The following CPNE7 variants were observed in gnomAD, a reference collection of about 807,000 sequenced individuals.
CPNE7 encodes copine 7.
A neutral mutation model predicts 66.5 loss-of-function variants in CPNE7; 78 were observed. That is an observed-to-expected ratio of 1.17 (90% CI 0.98 to 1.42). The LOEUF (loss-of-function observed/expected upper bound fraction) is 1.42, where lower values mean the gene tolerates loss of function less well. CPNE7 is among the 40% of genes most tolerant of loss of function. The probability of loss-of-function intolerance (pLI) is 0.00; values close to 1 mark genes in which losing one functional copy is unlikely to be tolerated. For synonymous variants in CPNE7, 468 were observed against 336.7 expected, an observed-to-expected ratio of 1.39 and a Z score of -4.27; for missense variants, 1,012 against 776.6, an observed-to-expected ratio of 1.30 and a Z score of -3.60.
At chr16:89,580,913 C>CACACGGA (rs2058945929) in intron 2 of CPNE7, among the ~76,000 whole-genome samples, 1 of 144,098 alleles carries the variant, frequency 6.9e-6, no homozygotes, top group South Asian at 2.3e-4. Context: ...CATCACCCGT[C>CACACGGA]ACATGGAACA....
chr16:89,593,329 G>A (rs1281518356), intron 13 of CPNE7, among the ~76,000 whole-genome samples: 2 of 151,658 alleles, frequency 1.3e-5, no homozygotes, highest in African/African-American at 2.4e-5. Flanking sequence ...CCGAGAGCAC[G>A]TTGCAACATC....
intron 5 of CPNE7, 21 bp from the exon 6 acceptor site, chr16:89,585,443 C>T (rs202142823): frequency 1.9e-6 from 3 of 1,589,678 alleles, no homozygotes; most frequent in Non-Finnish European, 2.6e-6. Context: ...CTCCCCTGAG[C>T]CAGCCCCTCC....
At chr16:89,591,548 C>G (rs1008286600) in intron 13 of CPNE7, among the ~76,000 whole-genome samples, 3 of 152,238 alleles carry the variant, frequency 2.0e-5, no homozygotes, top group African/African-American at 7.2e-5. Context: ...CACATGTCTA[C>G]TGTTTGGCTG....
At position 89,584,542 on chromosome 16, in the gene CPNE7, CGCAGGGTGT is replaced by C. The variant is rs2059005846; in HGVS notation, c.508-223_508-215del. 6.7e-6 allele frequency among the ~76,000 whole-genome samples: 1 copy of C among 148,772 alleles called. No individual in the cohort carries two copies. Among genetic ancestry groups the C allele is most frequent in the Non-Finnish European group, 1.5e-5 (1 of 67,026 alleles). On this transcript the variant is annotated intron_variant, in intron 4 of 14. Transcript: ENST00000319518. The surrounding 1 kb of genome is among the most constrained non-coding windows in gnomAD (Gnocchi z 6.0). ...AGGGCAAGTCCGTGGAGGGCTGAGT[CGCAGGGTGT>C]GCAGGGTGACTCCATGGAGGGCTGA...
At chr16:89,594,871 C>A (rs921500983) in intron 13 of CPNE7, among the ~76,000 whole-genome samples, 1 of 151,834 alleles carries the variant, frequency 6.6e-6, no homozygotes, top group Non-Finnish European at 1.5e-5. Context: ...AGGCTGGTCT[C>A]GAACTCCTGA....
intron 1 of CPNE7, 70 bp downstream of exon 1, chr16:89,576,141 C>T: frequency 8.3e-7 from 1 of 1,204,796 alleles, no homozygotes; most frequent in Non-Finnish European, 1.0e-6. Flanking sequence ...GATGCGGAGA[C>T]CAGAGCGGGC....
chr16:89,584,644 T>A lies in CPNE7; in HGVS notation c.508-130T>A. The A allele has an allele frequency of 1.4e-6, 1 of 696,626 alleles. No homozygotes were observed. The highest frequency in any genetic ancestry group is 2.5e-6 in the Non-Finnish European group (1 of 397,380). The allele number at this position is 696,626 out of a possible 1,614,324, so 43.2% of individuals were successfully genotyped here. A position where few individuals can be genotyped will look rare whatever the true frequency, so the allele number is the denominator to read the frequency against. On this transcript the variant is annotated intron_variant, in intron 4 of 14. Transcript: ENST00000319518. The surrounding 1 kb of genome is among the most constrained non-coding windows in gnomAD (Gnocchi z 6.0). Reference sequence around the variant, plus strand: ...CGAGATGCTGTCGGCGGGGACTGGCTGCCTCGTTTTGTGCCTGAGGAATTA... The same window carrying A: ...CGAGATGCTGTCGGCGGGGACTGGCAGCCTCGTTTTGTGCCTGAGGAATTA...
At position 89,580,416 on chromosome 16, in the gene CPNE7, TCCCATCA is replaced by T. The variant is rs1214691033; in HGVS notation, c.357+2704_357+2710del. Among the ~76,000 whole-genome samples, 6 of 108,786 alleles carry T rather than the reference TCCCATCA, an allele frequency of 5.5e-5. 1 individual carries two copies. The highest frequency in any genetic ancestry group is 2.1e-4 in the Admixed American group (2 of 9,360). The allele number at this position is 108,786 out of a possible 152,430, so 71.4% of individuals were successfully genotyped here. On this transcript the variant is annotated intron_variant, in intron 2 of 14. Coordinates refer to ENST00000319518, the MANE Select transcript of CPNE7 (RefSeq NM_153636.3). ...ATCCCATCACCCGTCACACGGAACA[TCCCATCA>T]CCCATCACACAGAACATCTCACCCA...
At chr16:89,587,399 C>T (rs1162377261) in intron 9 of CPNE7, among the ~76,000 whole-genome samples, 3 of 121,770 alleles carry the variant, frequency 2.5e-5, no homozygotes, top group Non-Finnish European at 3.5e-5. Context: ...AGGGCACTGG[C>T]GGTTCCCCGT....
rs1597713072 is a variant in CPNE7 at position 89,588,730 on chromosome 16, A to C, written c.983A>C (p.His328Pro). The stretch of plus-strand genomic sequence containing the variant: ...GACCCGCGGAACAGCTGCTCCCTGC[A>C]CTACATCAACCCCTACCAGCCGAAC... ...NGDPRNSCSL[H>P]YINPYQPNEY... Residue 328 changes from histidine (H) to proline (P), a missense_variant, in exon 10 of 15, where the codon CAC (histidine) becomes CCC (proline). His to Pro is a moderately conservative substitution (Grantham distance 77). Transcript: ENST00000319518. 1 of 1,613,608 alleles carries C rather than the reference A, an allele frequency of 6.2e-7. No individual in the cohort carries two copies. Among genetic ancestry groups the C allele is most frequent in the Middle Eastern group, 1.6e-4 (1 of 6,062 alleles).
chr16:89,583,374 G>T, intron 2 of CPNE7: 2 of 1,444,782 alleles, frequency 1.4e-6, no homozygotes, highest in Non-Finnish European at 9.5e-7. Flanking sequence ...ACCTGTGCAG[G>T]TGCAGGCCAG....
chr16:89,589,758 T>G (rs998766664), intron 10 of CPNE7, 139 bp from the exon 11 acceptor site: 8 of 854,120 alleles, frequency 9.4e-6, no homozygotes, highest in African/African-American at 5.1e-5. Context: ...GTTCCCCACC[T>G]CTGGCAGGTG....
chr16:89,584,914 G>T lies in CPNE7; in HGVS notation c.591+57G>T. ...GGAAGGGGCTGTCCCCAGCCCTCAC[G>T]CATCTCTGGCCACATGGGAGGAGCT... On this transcript the variant is annotated intron_variant, in intron 5 of 14. Coordinates refer to ENST00000319518, the MANE Select transcript of CPNE7 (RefSeq NM_153636.3). The surrounding 1 kb of genome is among the most constrained non-coding windows in gnomAD (Gnocchi z 6.0). The T allele has an allele frequency of 1.4e-6, 2 of 1,461,284 alleles. No individual in the cohort carries two copies. The highest frequency in any genetic ancestry group is 1.2e-5 in the South Asian group (1 of 86,920). 90.5% of individuals were successfully genotyped at this position (1,461,284 alleles called of 1,614,324 possible).
At chr16:89,577,267 C>A (rs549154639) in intron 1 of CPNE7, among the ~76,000 whole-genome samples, 1 of 152,142 alleles carries the variant, frequency 6.6e-6, no homozygotes, top group Non-Finnish European at 1.5e-5. Context: ...AATCTGATCT[C>A]GCCCCCGACT....
At position 89,576,029 on chromosome 16, in the gene CPNE7, C is replaced by G; in HGVS notation, c.132C>G (p.Pro44=). 6.0e-6 allele frequency: 8 copies of G among 1,341,414 alleles called. No homozygotes were observed. Among genetic ancestry groups the G allele is most frequent in the Non-Finnish European group, 6.7e-6 (7 of 1,045,524 alleles). The allele number at this position is 1,341,414 out of a possible 1,614,324, so 83.1% of individuals were successfully genotyped here. A position where few individuals can be genotyped will look rare whatever the true frequency, so the allele number is the denominator to read the frequency against. The change falls in exon 1 of 15, where the codon CCC becomes CCG. Residue 44 remains proline, a synonymous_variant. Transcript: ENST00000319518. ...GCGACCCGCTCACCAAGTCCGACCCCAGCGTGGCGTTGCTGCAGCAGGCGC... is the reference window on the plus strand; with the variant it reads ...GCGACCCGCTCACCAAGTCCGACCCGAGCGTGGCGTTGCTGCAGCAGGCGC... The part of the protein sequence containing the change: ...LDRDPLTKSD[P]SVALLQQAQG...
At chr16:89,583,439 A>G in intron 2 of CPNE7, 3 of 1,550,248 alleles carry the variant, frequency 1.9e-6, no homozygotes, top group Non-Finnish European at 2.6e-6. Flanking sequence ...TCACCTGGTA[A>G]ATAGGTATGA....
Position 89,587,087 on chromosome 16 carries a change from C to G in CPNE7, c.912C>G (p.Cys304Trp). 6.4e-7 allele frequency: 1 copy of G among 1,571,714 alleles called. No individual in the cohort carries two copies. The highest frequency in any genetic ancestry group is 8.6e-7 in the Non-Finnish European group (1 of 1,159,062). The change falls in exon 9 of 15, where the codon TGC becomes TGG. Residue 304 changes from cysteine to tryptophan, a missense_variant. Physicochemically the swap from Cys to Trp is radical, Grantham distance 215. Coordinates refer to ENST00000319518, the MANE Select transcript of CPNE7 (RefSeq NM_153636.3). ...TCCTGGACTATATCATGGGCGGCTG[C>G]CAGATCCACTTCACCGTGAGTCCAT... ...YSFLDYIMGG[C>W]QIHFTVAIDF...
rs947766963 is a variant in CPNE7 at position 89,591,850 on chromosome 16, G to A, written c.1302+590G>A. On this transcript the variant is annotated intron_variant, in intron 13 of 14. Coordinates refer to ENST00000319518, the MANE Select transcript of CPNE7 (RefSeq NM_153636.3). ...CAAGGAGCTGGGACTACAGGCGCCC[G>A]CCACCACTTCTGGCTAATTTTTGTA... Among the ~76,000 whole-genome samples the A allele has an allele frequency of 1.2e-3, 174 of 147,880 alleles. 1 individual carries two copies. Among genetic ancestry groups the A allele is most frequent in the African/African-American group, 3.9e-3 (156 of 39,690 alleles).
At chr16:89,581,297 C>T (rs181295) in intron 2 of CPNE7, among the ~76,000 whole-genome samples, 109,050 of 146,798 alleles carry the variant, frequency 0.74, 40,573 homozygotes, top group Middle Eastern at 0.87. Flanking sequence ...TCACACAGAA[C>T]ATCCCGTCAC....
Sources: gnomAD v4.1 joint callset for allele counts (sites outside exome capture counted in the v4.1 genomes callset) on GRCh38, gnomAD v4.1.1 for gene constraint, Gnocchi (gnomAD v3.1) non-coding constraint, MANE v1.5 for transcripts, NCBI Gene and HGNC (gene_info 2026-07-23, HGNC 2026-07-21) for gene names.